The following YIF1B variants were observed in gnomAD, a reference collection of about 807,000 sequenced individuals.
The protein encoded by YIF1B is Yip1 interacting factor homolog B, membrane trafficking protein.
YIF1B carries 24 observed loss-of-function variants against 34.6 expected under a neutral mutation model. The observed-to-expected ratio is 0.69, with a 90% CI of 0.50 to 0.98. YIF1B has a LOEUF of 0.98. Ranked by LOEUF, YIF1B falls within the 50% of genes least tolerant of loss-of-function variation. The probability of loss-of-function intolerance (pLI) is 0.00; values close to 1 mark genes in which losing one functional copy is unlikely to be tolerated. For missense variants in YIF1B, 368 were observed against 429.4 expected, an observed-to-expected ratio of 0.86 and a Z score of 1.26; for synonymous variants, 186 against 184.8, an observed-to-expected ratio of 1.01 and a Z score of -0.05.
chr19:38,307,562 G>T lies in YIF1B; in HGVS notation c.695+35C>A, dbSNP rs200771250. On this transcript the variant is annotated intron_variant, in intron 6 of 7. Transcript: ENST00000339413. The stretch of plus-strand genomic sequence containing the variant: ...GAGGCTGTGTGAGGACAAGGCCCAA[G>T]GGCTGGGGCTGGCGTGAAGGGCGGG... 4.7e-5 allele frequency: 76 copies of T among 1,613,772 alleles called. No homozygotes were observed. In the East Asian group the frequency reaches 1.6e-3, roughly 35 times the overall value.
chr19:38,305,644 TCAG>T (rs1968983333), intron 7 of YIF1B, 137 bp from the exon 8 acceptor site: 1 of 1,285,982 alleles, frequency 7.8e-7, no homozygotes, highest in Non-Finnish European at 1.0e-6. Context: ...CTCTGCAGCC[TCAG>T]GTTTCTGCTC....
At position 38,305,312 on chromosome 19, in the gene YIF1B, C is replaced by CCAGCAG. The variant is rs759589096; in HGVS notation, c.*34_*39dup. ...ATGAGTTCGGCGGCCACAGTGGCCC[C>CCAGCAG]CAGCAGCAGCAGCAGCAGCGGGAGG... is the stretch of plus-strand genomic sequence containing the variant. On this transcript the variant is annotated 3_prime_UTR_variant, in exon 8 of 8. Transcript: ENST00000339413. 659 of 1,581,360 alleles carry CCAGCAG rather than the reference C, an allele frequency of 4.2e-4. 3 individuals are homozygous for CCAGCAG. Among genetic ancestry groups the CCAGCAG allele is most frequent in the African/African-American group, 5.4e-5 (4 of 74,418 alleles).
At chr19:38,308,350 G>A (rs543029222) in intron 5 of YIF1B, among the ~76,000 whole-genome samples, 70 of 152,182 alleles carry the variant, frequency 4.6e-4, no homozygotes, top group African/African-American at 1.5e-3. Flanking sequence ...GGAATAGACC[G>A]GAGCGTGCAG....
upstream of YIF1B, chr19:38,315,988 C>T (rs1600412484): frequency 1.0e-5 from 14 of 1,365,518 alleles, no homozygotes; most frequent in Non-Finnish European, 1.3e-5. Context: ...GCCCCGCCGG[C>T]GAAGAGACAG....
chr19:38,307,492 A>G lies in YIF1B; in HGVS notation c.725T>C (p.Leu242Pro). ...CAGGTAGTAGCCAATCTTCCCGAAG[A>G]GCAGGCCCATGAGGACCCCGCCAAT... is the stretch of plus-strand genomic sequence containing the variant. ...GMIGGVLMGLLFGKIGYYLVL... is the reference protein window; with the variant it reads ...GMIGGVLMGLPFGKIGYYLVL... The change falls in exon 7 of 8, where the codon CTC becomes CCC. Residue 242 changes from leucine (L) to proline (P), a missense_variant. Transcript: ENST00000339413. 6.2e-7 allele frequency: 1 copy of G among 1,613,850 alleles called. No homozygotes were observed. The highest frequency in any genetic ancestry group is 8.5e-7 in the Non-Finnish European group (1 of 1,179,996).
Position 38,315,864 on chromosome 19 carries a change from C to T in YIF1B, c.54G>A (p.Lys18=), listed in dbSNP as rs1969528449. The T allele has an allele frequency of 6.7e-7, 1 of 1,501,812 alleles. No individual in the cohort carries two copies. The highest frequency in any genetic ancestry group is 2.2e-5 in the Admixed American group (1 of 44,716). The allele number at this position is 1,501,812 out of a possible 1,614,324, so 93.0% of individuals were successfully genotyped here. A position where few individuals can be genotyped will look rare whatever the true frequency, so the allele number is the denominator to read the frequency against. The part of the protein sequence containing the change: ...AAAAGTPRLR[K]WPSKRRIPVS... ...TCTCCTCCGCCGGCCACGTACGCCA[C>T]TTACGCAGCCGGGGCGTCCCCGCAG... Residue 18 remains lysine, a synonymous_variant, in exon 1 of 8, where the codon AAG becomes AAA. Coordinates refer to ENST00000339413, the MANE Select transcript of YIF1B (RefSeq NM_001039672.3).
intron 1 of YIF1B, 21 bp from the exon 2 acceptor site, chr19:38,309,664 A>G: frequency 6.3e-7 from 1 of 1,588,270 alleles, no homozygotes; most frequent in Non-Finnish European, 8.5e-7. Flanking sequence ...AGAGAGTGAG[A>G]AGGAGCTGGG....
upstream of YIF1B, chr19:38,317,399 G>C (rs894932767): frequency 6.6e-6 from 1 of 152,290 alleles, no homozygotes; most frequent in Non-Finnish European, 1.5e-5. Flanking sequence ...TGGTTTCTCA[G>C]TGATGAGTGC....
At chr19:38,319,254 T>A (rs754898785), upstream of YIF1B, among the ~76,000 whole-genome samples, 1 of 151,888 alleles carries the variant, frequency 6.6e-6, no homozygotes, top group Non-Finnish European at 1.5e-5. Flanking sequence ...GGGTCACTCT[T>A]GTGTCAGTCT....
chr19:38,308,731 C>G (rs1351683651), intron 5 of YIF1B, 61 bp downstream of exon 5: 139 of 1,607,748 alleles, frequency 8.6e-5, no homozygotes, highest in African/African-American at 1.3e-5. Context: ...CTGAGACCTT[C>G]CTGACCAACC....
chr19:38,304,076 C>A lies in YIF1B; in HGVS notation c.*1276G>T. On this transcript the variant is annotated 3_prime_UTR_variant, in exon 8 of 8. Coordinates refer to ENST00000339413, the MANE Select transcript of YIF1B (RefSeq NM_001039672.3). ...CGGAAGCAGTCACCTGTCCATCTCC[C>A]CCACTTCTCACAGAGGAAATCCTGG... 1.4e-6 allele frequency: 1 copy of A among 726,432 alleles called. No individual in the cohort carries two copies. Among genetic ancestry groups the A allele is most frequent in the Non-Finnish European group, 2.2e-6 (1 of 450,040 alleles). The allele number at this position is 726,432 out of a possible 1,614,324, so 45.0% of individuals were successfully genotyped here. A position where few individuals can be genotyped will look rare whatever the true frequency, so the allele number is the denominator to read the frequency against.
rs926794197 is a variant in YIF1B, at chr19:38,305,210, G to A, written c.*142C>T. The A allele has an allele frequency of 7.1e-7, 1 of 1,415,546 alleles. No individual in the cohort carries two copies. The highest frequency in any genetic ancestry group is 1.4e-5 in the African/African-American group (1 of 69,674). The allele number at this position is 1,415,546 out of a possible 1,614,324, so 87.7% of individuals were successfully genotyped here. A position where few individuals can be genotyped will look rare whatever the true frequency, so the allele number is the denominator to read the frequency against. On this transcript the variant is annotated 3_prime_UTR_variant, in exon 8 of 8. Transcript: ENST00000339413. The stretch of plus-strand genomic sequence containing the variant: ...GATCTCTCAGCACCTTGGGTTGGGG[G>A]CGGGGCTGGGCGGGACATGGGATGG...
At chr19:38,320,035 G>C (rs1167526184), upstream of YIF1B, 17 of 1,498,704 alleles carry the variant, frequency 1.1e-5, no homozygotes, top group Non-Finnish European at 1.4e-5. Flanking sequence ...GGCGCGGCTG[G>C]AGGGGCCGCA....
chr19:38,314,420 C>A (rs1969456725), intron 1 of YIF1B, among the ~76,000 whole-genome samples: 1 of 151,906 alleles, frequency 6.6e-6, no homozygotes, highest in Non-Finnish European at 1.5e-5. Context: ...GTCTCGAACT[C>A]CTGACCTCGT....
chr19:38,304,642 T>G lies in YIF1B; in HGVS notation c.*710A>C. Reference sequence around the variant, plus strand: ...CATCCAGCAAGGACACCACAGCTCTTCCGACTCCAGCAGCAGCTCCAGCGA... The same window carrying G: ...CATCCAGCAAGGACACCACAGCTCTGCCGACTCCAGCAGCAGCTCCAGCGA... On this transcript the variant is annotated 3_prime_UTR_variant, in exon 8 of 8. Transcript: ENST00000339413. The G allele has an allele frequency of 6.2e-7, 1 of 1,613,520 alleles. No individual in the cohort carries two copies.
rs1968874821 is a variant in YIF1B at position 38,304,058 on chromosome 19, A to G, written c.*1294T>C. The G allele has an allele frequency of 1.4e-5, 9 of 651,686 alleles. No homozygotes were observed. Among genetic ancestry groups the G allele is most frequent in the Non-Finnish European group, 2.3e-5 (9 of 385,432 alleles). 40.4% of individuals were successfully genotyped at this position (651,686 alleles called of 1,614,324 possible). ...CTGAGGCACCAAGGCTGGCGGAAGC[A>G]GTCACCTGTCCATCTCCCCCACTTC... is the stretch of plus-strand genomic sequence containing the variant. On this transcript the variant is annotated 3_prime_UTR_variant, in exon 8 of 8. Transcript: ENST00000339413.
chr19:38,305,620 A>G lies in YIF1B; in HGVS notation c.790-113T>C, dbSNP rs1049445783. 5.4e-5 allele frequency: 75 copies of G among 1,398,378 alleles called. 1 individual carries two copies. The South Asian group carries it at 5.5e-4, about 10-fold the overall frequency. The allele number at this position is 1,398,378 out of a possible 1,614,324, so 86.6% of individuals were successfully genotyped here. On this transcript the variant is annotated intron_variant, in intron 7 of 7. Transcript: ENST00000339413. ...GCCTAGAAGCCCCAGGCAGCTGGGG[A>G]CAAGTCCCTGGCCCTCTGCAGCCTC... is the stretch of plus-strand genomic sequence containing the variant.
chr19:38,314,682 CGCCTCAGTGCAACCTCT>C (rs1969473080), intron 1 of YIF1B, among the ~76,000 whole-genome samples: 3 of 139,026 alleles, frequency 2.2e-5, no homozygotes. Flanking sequence ...GGTGCAATCT[CGCCTCAGTGCAACCTCT>C]GCCTCCTGGG....
chr19:38,314,187 G>A (rs967273495), intron 1 of YIF1B, among the ~76,000 whole-genome samples: 12 of 147,418 alleles, frequency 8.1e-5, no homozygotes, highest in Admixed American at 2.7e-4. Flanking sequence ...CACCACGCCC[G>A]GCTAATTTTT....
Sources: allele counts gnomAD v4.1 joint callset (sites outside exome capture counted in the v4.1 genomes callset), GRCh38; gene constraint gnomAD v4.1.1; transcripts MANE v1.5; gene names NCBI Gene and HGNC (gene_info 2026-07-23, HGNC 2026-07-21).